Variants in ALDH9A1 observed in about 807,000 individuals in gnomAD.
ALDH9A1 encodes the protein aldehyde dehydrogenase 9 family member A1.
ALDH9A1 carries 42 observed loss-of-function variants against 56.6 expected under a neutral mutation model. The ratio of observed to expected loss-of-function variants is 0.74; its 90% CI spans 0.58 to 0.96. ALDH9A1 has a LOEUF of 0.96. Ranked by LOEUF, ALDH9A1 falls within the 40% of genes least tolerant of loss-of-function variation. ALDH9A1 has a pLI of 0.00. For missense variants in ALDH9A1, 661 were observed against 651.5 expected (o/e 1.01, Z -0.16); for synonymous variants, 242 against 236.0 (o/e 1.03, Z -0.23).
rs1391972769 is a variant in ALDH9A1 at position 165,662,216 on chromosome 1, A to G, written c.*834T>C. 6.6e-6 allele frequency: 1 copy of G among 152,252 alleles called. No individual in the cohort carries two copies. Among genetic ancestry groups the G allele is most frequent in the African/African-American group, 2.4e-5 (1 of 41,474 alleles). 9.4% of individuals were successfully genotyped at this position (152,252 alleles called of 1,614,324 possible). On this transcript the variant is annotated 3_prime_UTR_variant, in exon 11 of 11. Transcript: ENST00000354775. The stretch of plus-strand genomic sequence containing the variant: ...GTTTAGTTTCAAAACACGATAGGAA[A>G]ACAATTAACAGTGTGATTTATTTTA...
intron 3 of ALDH9A1, among the ~76,000 whole-genome samples, 183 bp from the exon 4 acceptor site, chr1:165,682,424 T>A (rs1649581380): frequency 6.6e-6 from 1 of 152,210 alleles, no homozygotes; most frequent in Admixed American, 6.5e-5. Flanking sequence ...CTTCCACGTA[T>A]TCTCTCCACA....
intron 6 of ALDH9A1, chr1:165,671,655 G>A (rs1331958787): frequency 4.1e-6 from 2 of 486,988 alleles, no homozygotes; most frequent in Non-Finnish European, 8.0e-6. Context: ...TGTTTGGCTC[G>A]ATATTATAAG....
intron 2 of ALDH9A1, among the ~76,000 whole-genome samples, chr1:165,694,965 A>T (rs112658330): frequency 0.024 from 3,698 of 151,806 alleles, 54 homozygotes; most frequent in African/African-American, 0.04. Context: ...CAAAAAAAAA[A>T]AAAAATAAAA....
intron 6 of ALDH9A1, 149 bp from the exon 7 acceptor site, chr1:165,669,599 T>C (rs1336667914): frequency 1.1e-5 from 9 of 783,606 alleles, no homozygotes; most frequent in African/African-American, 3.6e-5. Flanking sequence ...ATTGTCTCCA[T>C]ACTGAATAAG....
chr1:165,683,212 T>C, intron 2 of ALDH9A1, 102 bp from the exon 3 acceptor site: 2 of 1,193,128 alleles, frequency 1.7e-6, no homozygotes, highest in South Asian at 1.4e-5. Context: ...AAACTAAAAA[T>C]AGCTTTCACT....
At chr1:165,687,404 C>T (rs1649745723) in intron 2 of ALDH9A1, among the ~76,000 whole-genome samples, 1 of 150,918 alleles carries the variant, frequency 6.6e-6, no homozygotes, top group Admixed American at 6.6e-5. Context: ...AAGAAAACTG[C>T]ACCAAAAGAC....
chr1:165,688,689 CAG>C, intron 2 of ALDH9A1, among the ~76,000 whole-genome samples: 1 of 152,064 alleles, frequency 6.6e-6, no homozygotes, highest in East Asian at 1.9e-4. Context: ...GCCTGGGTGA[CAG>C]AGCAAGACCC....
intron 1 of ALDH9A1, among the ~76,000 whole-genome samples, chr1:165,695,725 T>C (rs573287104): frequency 1.0e-3 from 156 of 152,178 alleles, no homozygotes; most frequent in African/African-American, 3.6e-3. Flanking sequence ...CTTGATCTCC[T>C]GACCTTGTGA....
chr1:165,665,967 G>A (rs1012073155), intron 9 of ALDH9A1, among the ~76,000 whole-genome samples: 4 of 151,996 alleles, frequency 2.6e-5, no homozygotes, highest in African/African-American at 7.3e-5. Flanking sequence ...TATGTTCATA[G>A]CATCATTATT....
In ALDH9A1 at chr1:165,663,251, G is replaced by C; in HGVS notation, c.1463-107C>G. 4 of 895,020 alleles carry C rather than the reference G, an allele frequency of 4.5e-6. No individual in the cohort carries two copies. In the South Asian group the frequency reaches 5.8e-5, roughly 13 times the overall value. 55.4% of individuals were successfully genotyped at this position (895,020 alleles called of 1,614,324 possible). ...CTAATCAGGGCTAGGGAAGAATATAGAACCTAAATGTTTTGGAATAAAGCC... is the reference window on the plus strand; with the variant it reads ...CTAATCAGGGCTAGGGAAGAATATACAACCTAAATGTTTTGGAATAAAGCC... On this transcript the variant is annotated intron_variant, in intron 10 of 10. Transcript: ENST00000354775.
At chr1:165,679,611 A>C in intron 5 of ALDH9A1, 29 bp from the exon 6 acceptor site, 1 of 1,613,510 alleles carries the variant, frequency 6.2e-7, no homozygotes, top group Non-Finnish European at 8.5e-7. Context: ...GGTATTCAGA[A>C]CTTTAACACA....
At chr1:165,688,776 T>C (rs1189463637) in intron 2 of ALDH9A1, among the ~76,000 whole-genome samples, 3 of 152,176 alleles carry the variant, frequency 2.0e-5, no homozygotes, top group Non-Finnish European at 4.4e-5. Context: ...AGGGCTAATA[T>C]GATTGTAGGT....
At chr1:165,682,307 T>C in intron 3 of ALDH9A1, 66 bp from the exon 4 acceptor site, 1 of 1,556,540 alleles carries the variant, frequency 6.4e-7, no homozygotes, top group East Asian at 2.2e-5. Context: ...CCAACATCTG[T>C]ACCAGTCTGA....
chr1:165,690,154 T>C (rs1571183652), intron 2 of ALDH9A1, among the ~76,000 whole-genome samples: 1 of 147,374 alleles, frequency 6.8e-6, no homozygotes, highest in African/African-American at 2.5e-5. Context: ...TATTATTCTA[T>C]GTGTATAACA....
chr1:165,681,492 T>C (rs1649550329), intron 4 of ALDH9A1, among the ~76,000 whole-genome samples: 1 of 152,224 alleles, frequency 6.6e-6, no homozygotes, highest in Non-Finnish European at 1.5e-5. Flanking sequence ...AACAAGAACA[T>C]GCAATGGCAA....
chr1:165,680,832 T>C (rs1280720158), intron 4 of ALDH9A1, 149 bp from the exon 5 acceptor site: 2 of 786,044 alleles, frequency 2.5e-6, no homozygotes, highest in Non-Finnish European at 4.0e-6. Context: ...ATAACCATAT[T>C]AGTTTGTTTT....
chr1:165,670,379 G>C (rs1385960198), intron 6 of ALDH9A1, among the ~76,000 whole-genome samples: 1 of 152,008 alleles, frequency 6.6e-6, no homozygotes, highest in Non-Finnish European at 1.5e-5. Context: ...GATACACACA[G>C]TGAACCCTGA....
At chr1:165,664,653 G>A (rs147827048) in intron 10 of ALDH9A1, among the ~76,000 whole-genome samples, 1 of 152,322 alleles carries the variant, frequency 6.6e-6, no homozygotes, top group East Asian at 1.9e-4. Context: ...ACTCCACAGT[G>A]GATGATGATG....
intron 4 of ALDH9A1, 90 bp from the exon 5 acceptor site, chr1:165,680,773 C>A (rs1649526421): frequency 1.6e-6 from 2 of 1,230,154 alleles, no homozygotes; most frequent in South Asian, 1.5e-5. Context: ...AAAAATGATT[C>A]CAATTGTTTC....
Sources: gnomAD v4.1 joint callset for allele counts (sites outside exome capture counted in the v4.1 genomes callset) on GRCh38, gnomAD v4.1.1 for gene constraint, MANE v1.5 for transcripts, NCBI Gene and HGNC (gene_info 2026-07-23, HGNC 2026-07-21) for gene names.